XYLT1: variants seen among roughly 807,000 people sequenced by gnomAD.
XYLT1 encodes xylosyltransferase 1, also known as beta-D-xylosyltransferase 1.
A neutral mutation model predicts 91.3 loss-of-function variants in XYLT1; 36 were observed. The ratio of observed to expected loss-of-function variants is 0.39; its 90% CI spans 0.30 to 0.52. The LOEUF (loss-of-function observed/expected upper bound fraction) is 0.52, where lower values mean the gene tolerates loss of function less well. Ranked by LOEUF, XYLT1 falls within the 20% of genes least tolerant of loss-of-function variation. The probability of loss-of-function intolerance (pLI) is 0.68; values close to 1 mark genes in which losing one functional copy is unlikely to be tolerated. For synonymous variants in XYLT1, 588 were observed against 532.0 expected (o/e 1.11, Z -1.45); for missense variants, 1,242 against 1,284.5 (o/e 0.97, Z 0.51).
chr16:17,428,509 A>G (rs914869972), intron 1 of XYLT1, among the ~76,000 whole-genome samples: 1 of 152,216 alleles, frequency 6.6e-6, no homozygotes, highest in Non-Finnish European at 1.5e-5. Flanking sequence ...GACCCATGCT[A>G]GATGCTCAAT....
At chr16:17,412,376 C>G (rs1567194068) in intron 1 of XYLT1, among the ~76,000 whole-genome samples, 1 of 152,014 alleles carries the variant, frequency 6.6e-6, no homozygotes, top group African/African-American at 2.4e-5. Flanking sequence ...CACACGTACA[C>G]AAACACACAC....
At chr16:17,396,832 C>T (rs1348304675) in intron 1 of XYLT1, among the ~76,000 whole-genome samples, 1 of 152,160 alleles carries the variant, frequency 6.6e-6, no homozygotes. Flanking sequence ...GATCAGGCCA[C>T]TGTACTCTGG....
chr16:17,425,541 T>A (rs950814533), intron 1 of XYLT1, among the ~76,000 whole-genome samples: 2 of 152,186 alleles, frequency 1.3e-5, no homozygotes, highest in African/African-American at 4.8e-5. Flanking sequence ...ACATTTTGCT[T>A]CCCAGAAACC....
intron 1 of XYLT1, among the ~76,000 whole-genome samples, chr16:17,385,490 C>T (rs1040612823): frequency 6.6e-6 from 1 of 151,850 alleles, no homozygotes; most frequent in Non-Finnish European, 1.5e-5. Context: ...CCTTGGCACC[C>T]AACGAGCCCT....
At chr16:17,457,009 T>C (rs998288119) in intron 1 of XYLT1, among the ~76,000 whole-genome samples, 13 of 152,300 alleles carry the variant, frequency 8.5e-5, no homozygotes, top group Admixed American at 4.6e-4. Context: ...AGCCATCTTG[T>C]GGGTAACACA....
intron 6 of XYLT1, among the ~76,000 whole-genome samples, chr16:17,142,207 T>C (rs766150094): frequency 6.6e-5 from 10 of 152,204 alleles, no homozygotes; most frequent in Non-Finnish European, 1.2e-4. Context: ...AATTTTTTTG[T>C]AGAGACAGGG....
At chr16:17,174,218 ACTT>A (rs1014525563) in intron 5 of XYLT1, among the ~76,000 whole-genome samples, 1 of 152,230 alleles carries the variant, frequency 6.6e-6, no homozygotes, top group Non-Finnish European at 1.5e-5. Context: ...TTATCTTATT[ACTT>A]CTTCCCTTTT....
intron 1 of XYLT1, among the ~76,000 whole-genome samples, chr16:17,390,880 T>C (rs2035809333): frequency 6.6e-6 from 1 of 151,958 alleles, no homozygotes; most frequent in African/African-American, 2.4e-5. Flanking sequence ...CTACTAAAAA[T>C]ACAAAAAATT....
chr16:17,271,281 A>G (rs1209914342), intron 2 of XYLT1, among the ~76,000 whole-genome samples: 1 of 152,124 alleles, frequency 6.6e-6, no homozygotes, highest in Non-Finnish European at 1.5e-5. Flanking sequence ...TTATGGCCAC[A>G]ATACCCAAAG....
At chr16:17,378,324 C>T (rs913240581) in intron 1 of XYLT1, among the ~76,000 whole-genome samples, 4 of 152,030 alleles carry the variant, frequency 2.6e-5, no homozygotes, top group Middle Eastern at 3.4e-3. Context: ...CCAAAAAATG[C>T]TTTAATATAA....
intron 2 of XYLT1, among the ~76,000 whole-genome samples, chr16:17,307,766 C>T (rs61165399): frequency 0.031 from 4,709 of 152,182 alleles, 267 homozygotes; most frequent in African/African-American, 0.11. Context: ...CTTCCTGCAC[C>T]CCAGGAGGCA....
intron 11 of XYLT1, among the ~76,000 whole-genome samples, chr16:17,113,304 G>T (rs527423570): frequency 6.6e-6 from 1 of 151,548 alleles, no homozygotes; most frequent in Admixed American, 6.6e-5. Flanking sequence ...ACCATGCCTG[G>T]CTAATTTTTT....
chr16:17,392,422 C>T (rs1283572966), intron 1 of XYLT1, among the ~76,000 whole-genome samples: 1 of 152,190 alleles, frequency 6.6e-6, no homozygotes, highest in African/African-American at 2.4e-5. Flanking sequence ...ACACATCCTC[C>T]TATTTTAATC....
intron 5 of XYLT1, among the ~76,000 whole-genome samples, chr16:17,167,964 GTTTA>G (rs1234566317): frequency 3.9e-5 from 6 of 152,180 alleles, no homozygotes; most frequent in African/African-American, 1.4e-4. Flanking sequence ...ACTCCAGACG[GTTTA>G]TGCAAGGACC....
Position 17,138,443 on chromosome 16 carries a change from A to G in XYLT1, c.1676T>C (p.Leu559Pro). ...GTGCTTGTACTGGCACTTGCAGCCCAGCTTGCGATTCCAGTTGGTGATGCG... is the reference window on the plus strand; with the variant it reads ...GTGCTTGTACTGGCACTTGCAGCCCGGCTTGCGATTCCAGTTGGTGATGCG... Reference protein sequence around the residue: ...NLRITNWNRKLGCKCQYKHIV... With the variant: ...NLRITNWNRKPGCKCQYKHIV... The change falls in exon 8 of 12, where the codon CTG becomes CCG. Residue 559 changes from leucine to proline, a missense_variant. By Grantham distance (98) the Leu-to-Pro change is moderately conservative (BLOSUM62 -3). This residue lies in a region of XYLT1 where 294 missense variants were observed against 376.0 expected (regional missense o/e 0.78). Coordinates refer to ENST00000261381, the MANE Select transcript of XYLT1 (RefSeq NM_022166.4). The G allele has an allele frequency of 6.2e-7, 1 of 1,614,188 alleles. No homozygotes were observed. Among genetic ancestry groups the G allele is most frequent in the Non-Finnish European group, 8.5e-7 (1 of 1,180,018 alleles).
At chr16:17,216,245 T>A (rs1050011842) in intron 3 of XYLT1, among the ~76,000 whole-genome samples, 1 of 151,968 alleles carries the variant, frequency 6.6e-6, no homozygotes, top group African/African-American at 2.4e-5. Context: ...CAGCGACTCA[T>A]CTATTTTTAT....
At chr16:17,446,343 C>A (rs951423923) in intron 1 of XYLT1, 1 of 152,208 alleles carries the variant, frequency 6.6e-6, no homozygotes, top group African/African-American at 2.4e-5. Context: ...TGTACTTCAT[C>A]TTTAAATGCT....
intron 11 of XYLT1, among the ~76,000 whole-genome samples, chr16:17,115,312 T>TAAA (rs869095502): frequency 0.24 from 11,818 of 48,616 alleles, 2,266 homozygotes; most frequent in Admixed American, 0.32. Context: ...CAAAAATAGT[T>TAAA]AAAAAAAAAA....
chr16:17,115,845 A>G (rs997819939), intron 11 of XYLT1, among the ~76,000 whole-genome samples: 1 of 140,392 alleles, frequency 7.1e-6, no homozygotes, highest in African/African-American at 2.5e-5. Flanking sequence ...TTGCACTATT[A>G]TCAGTAACAT....
Sources: gnomAD v4.1 joint callset for allele counts (sites outside exome capture counted in the v4.1 genomes callset) on GRCh38, gnomAD v4.1.1 for gene constraint, gnomAD v4.1.1 regional missense constraint, MANE v1.5 for transcripts, NCBI Gene and HGNC (gene_info 2026-07-23, HGNC 2026-07-21) for gene names.